Variants in ADARB2 observed in about 807,000 individuals in gnomAD.
ADARB2 encodes adenosine deaminase RNA specific B2 (inactive), also known as inactive double-stranded RNA-specific editase B2.
ADARB2 carries 25 observed loss-of-function variants against 62.2 expected under a neutral mutation model. That is an observed-to-expected ratio of 0.40 (90% CI 0.29 to 0.56). The LOEUF (loss-of-function observed/expected upper bound fraction) is 0.56, where lower values mean the gene tolerates loss of function less well. ADARB2 is among the 20% of genes least tolerant of loss of function. The pLI is 0.43. For missense variants in ADARB2, 1,071 were observed against 1,077.4 expected (o/e 0.99, Z 0.08); for synonymous variants, 572 against 500.8 (o/e 1.14, Z -1.90).
At chr10:1,437,357 T>C (rs189365560) in intron 1 of ADARB2, among the ~76,000 whole-genome samples, 1 of 152,338 alleles carries the variant, frequency 6.6e-6, no homozygotes. Flanking sequence ...ATTATGTCGT[T>C]TCTATGTATA....
intron 1 of ADARB2, among the ~76,000 whole-genome samples, chr10:1,653,328 G>C (rs1470692846): frequency 1.3e-5 from 2 of 152,198 alleles, no homozygotes; most frequent in Non-Finnish European, 2.9e-5. Flanking sequence ...CTGCTGTTGA[G>C]ACACAGAAAG....
chr10:1,270,283 A>G (rs1255504427), intron 4 of ADARB2, among the ~76,000 whole-genome samples: 2 of 152,226 alleles, frequency 1.3e-5, no homozygotes, highest in Non-Finnish European at 2.9e-5. Context: ...TGTGTGTGTG[A>G]AACTTAATCC....
intron 1 of ADARB2, among the ~76,000 whole-genome samples, chr10:1,605,751 G>A (rs530451902): frequency 1.3e-5 from 2 of 152,206 alleles, no homozygotes; most frequent in Non-Finnish European, 2.9e-5. Flanking sequence ...TGCTTTAGAT[G>A]TCTCAATAAC....
chr10:1,229,711 C>T (rs567937864), intron 6 of ADARB2, among the ~76,000 whole-genome samples: 9 of 22,690 alleles, frequency 4.0e-4, no homozygotes, highest in African/African-American at 1.6e-3. Flanking sequence ...CTTATGTATG[C>T]GTGTTCATGT....
At chr10:1,386,228 G>A (rs1832524108) in intron 1 of ADARB2, among the ~76,000 whole-genome samples, 1 of 151,728 alleles carries the variant, frequency 6.6e-6, no homozygotes, top group African/African-American at 2.4e-5. Context: ...AAAAAAGATT[G>A]ATTTGTTGAA....
chr10:1,339,631 C>T (rs1198490925), intron 3 of ADARB2, among the ~76,000 whole-genome samples: 1 of 152,164 alleles, frequency 6.6e-6, no homozygotes. Flanking sequence ...TTCTCCAAGT[C>T]AATACTCCCA....
At chr10:1,701,720 C>T (rs527270220) in intron 1 of ADARB2, among the ~76,000 whole-genome samples, 2 of 91,074 alleles carry the variant, frequency 2.2e-5, no homozygotes, top group South Asian at 5.9e-4. Flanking sequence ...ACCAGGCACT[C>T]GCCAATACAC....
chr10:1,635,903 C>A (rs369589328), intron 1 of ADARB2, among the ~76,000 whole-genome samples: 4 of 152,160 alleles, frequency 2.6e-5, no homozygotes, highest in Admixed American at 6.5e-5. Flanking sequence ...AGCAACAGGG[C>A]TCTCTGGAAC....
chr10:1,514,449 G>C (rs1345673520), intron 1 of ADARB2, among the ~76,000 whole-genome samples: 2 of 151,926 alleles, frequency 1.3e-5, no homozygotes, highest in Non-Finnish European at 2.9e-5. Flanking sequence ...GTGGTACTGA[G>C]TATGTTTTTT....
At chr10:1,660,514 C>G (rs138169111) in intron 1 of ADARB2, among the ~76,000 whole-genome samples, 2 of 152,078 alleles carry the variant, frequency 1.3e-5, no homozygotes, top group Non-Finnish European at 2.9e-5. Flanking sequence ...AAAGAAGGAA[C>G]GAATAGCTCC....
At chr10:1,619,670 T>A (rs1833684983) in intron 1 of ADARB2, among the ~76,000 whole-genome samples, 1 of 152,176 alleles carries the variant, frequency 6.6e-6, no homozygotes, top group African/African-American at 2.4e-5. Context: ...CAGGAGGGTC[T>A]CAATATCTTG....
At chr10:1,412,099 T>C (rs1339375439) in intron 1 of ADARB2, among the ~76,000 whole-genome samples, 10 of 152,020 alleles carry the variant, frequency 6.6e-5, no homozygotes, top group Admixed American at 5.9e-4. Context: ...AGGGCATGCG[T>C]TGGGGAAGGA....
intron 1 of ADARB2, among the ~76,000 whole-genome samples, chr10:1,468,960 G>A (rs1344902981): frequency 2.0e-5 from 3 of 152,194 alleles, no homozygotes; most frequent in Non-Finnish European, 2.9e-5. Context: ...ACGTCGGGGT[G>A]TCTTGCCCAA....
At chr10:1,527,733 G>A (rs952995328) in intron 1 of ADARB2, among the ~76,000 whole-genome samples, 4 of 152,250 alleles carry the variant, frequency 2.6e-5, no homozygotes, top group African/African-American at 7.2e-5. Context: ...ATTTTCTTCC[G>A]TTTGATCACA....
intron 3 of ADARB2, among the ~76,000 whole-genome samples, chr10:1,297,378 C>T (rs1039988026): frequency 2.0e-5 from 3 of 152,222 alleles, no homozygotes; most frequent in Non-Finnish European, 2.9e-5. Flanking sequence ...AGTTTTTACA[C>T]ATCCAGTTAT....
intron 1 of ADARB2, among the ~76,000 whole-genome samples, chr10:1,561,268 C>CGTGTGCCCTG (rs1832782440): frequency 6.6e-6 from 1 of 152,194 alleles, no homozygotes; most frequent in African/African-American, 2.4e-5. Context: ...GTAATTGGCA[C>CGTGTGCCCTG]GTGTGCCCTG....
chr10:1,664,567 A>C (rs1834290560), intron 1 of ADARB2, among the ~76,000 whole-genome samples: 1 of 152,232 alleles, frequency 6.6e-6, no homozygotes, highest in Non-Finnish European at 1.5e-5. Context: ...GTTGGTAAGA[A>C]GAATTGCTGT....
intron 3 of ADARB2, among the ~76,000 whole-genome samples, chr10:1,296,333 T>C (rs1012969805): frequency 1.3e-5 from 2 of 152,124 alleles, no homozygotes; most frequent in Admixed American, 1.3e-4. Flanking sequence ...ATGTGAAGGC[T>C]CCAGGAAGTC....
chr10:1,713,224 C>T lies in ADARB2; in HGVS notation c.100+23827G>A, dbSNP rs559877679. 1.4e-4 allele frequency among the ~76,000 whole-genome samples: 21 copies of T among 152,300 alleles called. No homozygotes were observed. The South Asian group carries it at 3.9e-3, about 29-fold the overall frequency. On this transcript the variant is annotated intron_variant, in intron 1 of 9. Coordinates refer to ENST00000381312, the MANE Select transcript of ADARB2 (RefSeq NM_018702.4). Reference sequence around the variant, plus strand: ...GGGTGATGGGAGGCGAAGGCAGAACCTGCAAAGTCCCATTCAGTTGATCTG... The same window carrying T: ...GGGTGATGGGAGGCGAAGGCAGAACTTGCAAAGTCCCATTCAGTTGATCTG...
Sources: allele counts gnomAD v4.1 joint callset (sites outside exome capture counted in the v4.1 genomes callset), GRCh38; gene constraint gnomAD v4.1.1; transcripts MANE v1.5; gene names NCBI Gene and HGNC (gene_info 2026-07-23, HGNC 2026-07-21).